GARRE1: variants seen among roughly 807,000 people sequenced by gnomAD.
GARRE1 encodes granule associated Rac and RHOG effector protein 1.
Under a neutral mutation model 103.2 loss-of-function variants are expected in GARRE1, and 49 were observed. The ratio of observed to expected loss-of-function variants is 0.47; its 90% CI spans 0.38 to 0.60. The LOEUF is 0.60. Among genes scored for constraint, GARRE1 ranks in the 20% least tolerant of loss-of-function variants. The pLI, the probability that GARRE1 is intolerant of heterozygous loss-of-function variation, is 0.00. For synonymous variants in GARRE1, 505 were observed against 532.8 expected, an observed-to-expected ratio of 0.95 and a Z score of 0.72; for missense variants, 1,199 against 1,370.5, an observed-to-expected ratio of 0.87 and a Z score of 1.98.
intron 10 of GARRE1, among the ~76,000 whole-genome samples, chr19:34,346,735 G>A (rs1352599226): frequency 2.0e-5 from 3 of 152,112 alleles, no homozygotes; most frequent in Non-Finnish European, 2.9e-5. Context: ...TCCTGTCTCA[G>A]CCTCCTGAGT....
chr19:34,254,708 A>C (rs1319579079), intron 1 of GARRE1, 94 bp downstream of exon 1: 1 of 146,286 alleles, frequency 6.8e-6, no homozygotes, highest in Non-Finnish European at 1.5e-5. Flanking sequence ...CAGCCAGGGC[A>C]GACGGCGAGA....
At position 34,347,788 on chromosome 19, in the gene GARRE1, A is replaced by G; in HGVS notation, c.2522-89A>G. 3.2e-6 allele frequency: 4 copies of G among 1,242,258 alleles called. No individual in the cohort carries two copies. The South Asian group carries it at 6.9e-5, about 21-fold the overall frequency. 77.0% of individuals were successfully genotyped at this position (1,242,258 alleles called of 1,614,324 possible). On this transcript the variant is annotated intron_variant, in intron 10 of 13. Coordinates refer to ENST00000299505, the MANE Select transcript of GARRE1 (RefSeq NM_014686.5). ...GCAGCTCCTCACTGCCTTTCATTGC[A>G]TGTGTGACCAGCACGTTAGCAAAGC...
chr19:34,292,157 C>T (rs562101376), intron 1 of GARRE1, among the ~76,000 whole-genome samples: 43 of 152,254 alleles, frequency 2.8e-4, no homozygotes, highest in African/African-American at 9.6e-4. Context: ...CCACCGCACC[C>T]GCCCAGATCT....
chr19:34,342,112 G>A lies in GARRE1; in HGVS notation c.2178G>A (p.Gln726=). 6.2e-7 allele frequency: 1 copy of A among 1,614,122 alleles called. No individual in the cohort carries two copies. Among genetic ancestry groups the A allele is most frequent in the African/African-American group, 1.3e-5 (1 of 75,034 alleles). The change falls in exon 10 of 14, where the codon CAG becomes CAA. Residue 726 remains glutamine (Q), a synonymous_variant. Transcript: ENST00000299505. ...GLAPQQQSPK[Q]QQPQVQYYQH... ...CACCTCAGCAGCAGTCCCCAAAGCA[G>A]CAACAACCTCAAGTCCAATACTACC...
At chr19:34,306,724 TTAAA>T (rs1298998414) in intron 2 of GARRE1, among the ~76,000 whole-genome samples, 6 of 152,208 alleles carry the variant, frequency 3.9e-5, no homozygotes, top group African/African-American at 1.4e-4. Flanking sequence ...CATCTATCAC[TTAAA>T]TAAAATTACT....
intron 1 of GARRE1, among the ~76,000 whole-genome samples, chr19:34,287,754 G>A (rs1285035648): frequency 1.3e-5 from 2 of 152,116 alleles, no homozygotes; most frequent in South Asian, 2.1e-4. Context: ...GCAGACTGCT[G>A]ACTTACCATG....
intron 1 of GARRE1, among the ~76,000 whole-genome samples, chr19:34,264,917 A>G (rs1418623928): frequency 6.6e-6 from 1 of 152,124 alleles, no homozygotes; most frequent in Non-Finnish European, 1.5e-5. Flanking sequence ...GCAGGCCTCT[A>G]CATTAACCGT....
At chr19:34,257,159 C>CT (rs1449487091) in intron 1 of GARRE1, among the ~76,000 whole-genome samples, 2 of 57,788 alleles carry the variant, frequency 3.5e-5, no homozygotes, top group African/African-American at 7.0e-5. Context: ...TTTTAAGCAT[C>CT]CTTTTTTTTT....
At chr19:34,309,378 A>G (rs931176538) in intron 2 of GARRE1, among the ~76,000 whole-genome samples, 12 of 152,226 alleles carry the variant, frequency 7.9e-5, no homozygotes, top group Admixed American at 3.9e-4. Flanking sequence ...TTTTTAAAAG[A>G]TAAGTTGGGA....
At chr19:34,281,414 C>G (rs1194680494) in intron 1 of GARRE1, among the ~76,000 whole-genome samples, 1 of 152,190 alleles carries the variant, frequency 6.6e-6, no homozygotes, top group East Asian at 1.9e-4. Context: ...CCTCAGCCTC[C>G]CTGGTAGCTG....
At position 34,353,627 on chromosome 19, in the gene GARRE1, A is replaced by C. The variant is rs2074253171; in HGVS notation, c.*672A>C. On this transcript the variant is annotated 3_prime_UTR_variant, in exon 14 of 14. Transcript: ENST00000299505. ...GGACAGTTCCTCGCCACCCAGCAGC[A>C]CCCTGGGACTGCGGCCTTTCCCAGC... is the stretch of plus-strand genomic sequence containing the variant. The C allele has an allele frequency of 6.6e-6, 1 of 152,256 alleles. No homozygotes were observed. The allele number at this position is 152,256 out of a possible 1,614,324, so 9.4% of individuals were successfully genotyped here.
chr19:34,336,218 T>A (rs934826449), intron 8 of GARRE1, among the ~76,000 whole-genome samples: 3 of 152,136 alleles, frequency 2.0e-5, no homozygotes, highest in Non-Finnish European at 4.4e-5. Flanking sequence ...CTGGGACTCC[T>A]GGGCTCAAGC....
intron 1 of GARRE1, among the ~76,000 whole-genome samples, chr19:34,292,945 A>G (rs549725299): frequency 1.3e-5 from 2 of 152,058 alleles, no homozygotes; most frequent in African/African-American, 2.4e-5. Context: ...CTGACCTCAA[A>G]TGATCCTCCC....
chr19:34,270,942 A>G (rs1274983567), intron 1 of GARRE1, among the ~76,000 whole-genome samples: 2 of 152,196 alleles, frequency 1.3e-5, no homozygotes, highest in African/African-American at 4.8e-5. Context: ...GATGCTACCC[A>G]CTAGCACTTG....
chr19:34,285,438 C>T (rs549965246), intron 1 of GARRE1, among the ~76,000 whole-genome samples: 42 of 152,168 alleles, frequency 2.8e-4, no homozygotes, highest in African/African-American at 7.9e-4. Context: ...GCCTGGCCAA[C>T]GTGGTGACAC....
chr19:34,332,449 A>G (rs1477945249), intron 7 of GARRE1, among the ~76,000 whole-genome samples: 1 of 152,024 alleles, frequency 6.6e-6, no homozygotes, highest in Non-Finnish European at 1.5e-5. Flanking sequence ...AACACTGTAG[A>G]TTAAAAAAAA....
In GARRE1 at chr19:34,342,027, C is replaced by G; in HGVS notation, c.2093C>G (p.Pro698Arg). Residue 698 changes from proline to arginine, a missense_variant, in exon 10 of 14, where the codon CCT becomes CGT. Coordinates refer to ENST00000299505, the MANE Select transcript of GARRE1 (RefSeq NM_014686.5). ...CAGCAGCCGTCACTGCCTGTGCCCCCTCCACCACGGGCACCCCAGGCTGGG... is the reference window on the plus strand; with the variant it reads ...CAGCAGCCGTCACTGCCTGTGCCCCGTCCACCACGGGCACCCCAGGCTGGG... ...QPQQPSLPVPPPPRAPQAGAH... is the reference protein window; with the variant it reads ...QPQQPSLPVPRPPRAPQAGAH... 1 of 1,614,144 alleles carries G rather than the reference C, an allele frequency of 6.2e-7. No homozygotes were observed. Among genetic ancestry groups the G allele is most frequent in the Non-Finnish European group, 8.5e-7 (1 of 1,180,042 alleles).
intron 2 of GARRE1, among the ~76,000 whole-genome samples, chr19:34,306,130 G>A (rs999532810): frequency 3.3e-4 from 50 of 152,176 alleles, no homozygotes; most frequent in African/African-American, 1.2e-3. Context: ...AAATGGCTAG[G>A]CATTTGGATT....
chr19:34,347,152 G>A (rs1019945115), intron 10 of GARRE1, among the ~76,000 whole-genome samples: 5 of 150,890 alleles, frequency 3.3e-5, no homozygotes, highest in African/African-American at 9.8e-5. Context: ...GCAGTGGCAC[G>A]ATCTCAGCTC....
Sources: gnomAD v4.1 joint callset for allele counts (sites outside exome capture counted in the v4.1 genomes callset) on GRCh38, gnomAD v4.1.1 for gene constraint, MANE v1.5 for transcripts, NCBI Gene and HGNC (gene_info 2026-07-23, HGNC 2026-07-21) for gene names.